NBEAL1: variants seen among roughly 807,000 people sequenced by gnomAD.
NBEAL1 encodes neurobeachin-like protein 1.
In NBEAL1, 273 loss-of-function variants were observed where a neutral mutation model predicts 351.3. The ratio of observed to expected loss-of-function variants is 0.78; its 90% confidence interval spans 0.70 to 0.86. The LOEUF is 0.86. NBEAL1 is among the 40% of genes least tolerant of loss of function. The pLI, the probability that NBEAL1 is intolerant of heterozygous loss-of-function variation, is 0.00. For missense variants in NBEAL1, 2,961 were observed against 3,201.3 expected, an observed-to-expected ratio of 0.92 and a Z score of 1.81; for synonymous variants, 1,050 against 1,086.4, an observed-to-expected ratio of 0.97 and a Z score of 0.66.
intron 51 of NBEAL1, among the ~76,000 whole-genome samples, chr2:203,207,026 C>G (rs973448540): frequency 6.6e-6 from 1 of 151,792 alleles, no homozygotes; most frequent in African/African-American, 2.4e-5. Flanking sequence ...GCGTCTCTGT[C>G]CGGCCGCCCA....
intron 16 of NBEAL1, among the ~76,000 whole-genome samples, chr2:203,112,593 T>C (rs900968607): frequency 1.3e-5 from 2 of 152,332 alleles, no homozygotes; most frequent in South Asian, 2.1e-4. Flanking sequence ...AGATTATTTC[T>C]CAAGTCCAAG....
chr2:203,054,392 C>G (rs1266938663), intron 4 of NBEAL1, among the ~76,000 whole-genome samples: 1 of 151,382 alleles, frequency 6.6e-6, no homozygotes, highest in Admixed American at 6.6e-5. Flanking sequence ...CGCCACTGCA[C>G]TCCAGCCTGG....
intron 6 of NBEAL1, among the ~76,000 whole-genome samples, chr2:203,063,420 C>T (rs924810780): frequency 1.4e-4 from 19 of 131,204 alleles, no homozygotes; most frequent in African/African-American, 5.1e-4. Context: ...GCATTCCAGC[C>T]TGGGTGATGG....
chr2:203,212,779 G>A lies in NBEAL1; in HGVS notation c.7935-739G>A, dbSNP rs185229296. On this transcript the variant is annotated intron_variant, in intron 54 of 55. Transcript: ENST00000683969. ...AGGAGTCTTGATGAAGGATTAGTAG[G>A]AATTAAATGGACATGACAAGACAGG... Among the ~76,000 whole-genome samples the A allele has an allele frequency of 3.1e-4, 47 of 152,220 alleles. No individual in the cohort carries two copies. In the East Asian group the frequency reaches 6.2e-3, roughly 20 times the overall value.
At chr2:203,069,609 T>C (rs1220225676) in intron 7 of NBEAL1, among the ~76,000 whole-genome samples, 1 of 152,244 alleles carries the variant, frequency 6.6e-6, no homozygotes. Flanking sequence ...CATATTTTGT[T>C]AATTTATCCC....
At position 203,038,113 on chromosome 2, in the gene NBEAL1, G is replaced by A. The variant is rs1035807233; in HGVS notation, c.52-3652G>A. Among the ~76,000 whole-genome samples the A allele has an allele frequency of 1.4e-4, 21 of 149,018 alleles. 1 individual carries two copies. Among genetic ancestry groups the A allele is most frequent in the Middle Eastern group, 6.4e-3 (2 of 314 alleles). The stretch of plus-strand genomic sequence containing the variant: ...TTCCTGGAATAGTATTCCATTGTAC[G>A]AATGTACAACGATTTGTTTATCCGT... On this transcript the variant is annotated intron_variant, in intron 2 of 55. Coordinates refer to ENST00000683969, the MANE Select transcript of NBEAL1 (RefSeq NM_001378026.1).
chr2:203,098,789 C>T (rs2062240969), intron 11 of NBEAL1, among the ~76,000 whole-genome samples: 1 of 151,912 alleles, frequency 6.6e-6, no homozygotes, highest in Non-Finnish European at 1.5e-5. Context: ...CTCAAATTTT[C>T]CATTTAATAT....
chr2:203,196,835 C>T (rs1324069095), intron 47 of NBEAL1, among the ~76,000 whole-genome samples: 1 of 152,074 alleles, frequency 6.6e-6, no homozygotes, highest in Non-Finnish European at 1.5e-5. Context: ...ATTTTCTGGT[C>T]CTACTGTGGC....
intron 36 of NBEAL1, among the ~76,000 whole-genome samples, chr2:203,161,869 T>C (rs1013233915): frequency 1.3e-5 from 2 of 151,888 alleles, no homozygotes; most frequent in African/African-American, 4.8e-5. Context: ...CCCGCCCATC[T>C]CTAAAATAAA....
intron 12 of NBEAL1, among the ~76,000 whole-genome samples, chr2:203,102,472 G>A (rs2062346930): frequency 6.6e-6 from 1 of 152,280 alleles, no homozygotes; most frequent in Middle Eastern, 3.4e-3. Context: ...TTATTTTGAA[G>A]TATGTTCCTT....
rs955836677 is a variant in NBEAL1, at chr2:203,199,461, T to C, written c.7238+14T>C. ...GACAAATCCAAAGTAAGTAAATGAA[T>C]ATGTAAAGCAAAATAGCTATACCAG... On this transcript the variant is annotated intron_variant, in intron 49 of 55. Transcript: ENST00000683969. 8.7e-6 allele frequency: 12 copies of C among 1,382,546 alleles called. No homozygotes were observed. Among genetic ancestry groups the C allele is most frequent in the South Asian group, 2.4e-5 (2 of 84,204 alleles). 85.6% of individuals were successfully genotyped at this position (1,382,546 alleles called of 1,614,324 possible).
At chr2:203,160,021 G>A (rs564903005) in intron 36 of NBEAL1, among the ~76,000 whole-genome samples, 1 of 148,256 alleles carries the variant, frequency 6.7e-6, no homozygotes, top group African/African-American at 2.5e-5. Flanking sequence ...GTGCTTGTTT[G>A]CCATTAATAT....
chr2:203,182,985 A>C (rs999980650), intron 43 of NBEAL1: 3 of 184,078 alleles, frequency 1.6e-5, no homozygotes, highest in Non-Finnish European at 3.4e-5. Context: ...CATTATTTTA[A>C]GTGTAAGAAG....
chr2:203,132,280 G>GT (rs2063091630), intron 26 of NBEAL1, 148 bp downstream of exon 26: 1 of 579,186 alleles, frequency 1.7e-6, no homozygotes, highest in South Asian at 2.6e-5. Context: ...TAGTTTTGTT[G>GT]TTTTTGTCTC....
At position 203,208,764 on chromosome 2, in the gene NBEAL1, A is replaced by G. The variant is rs1279064170; in HGVS notation, c.7623+11A>G. The G allele has an allele frequency of 6.5e-7, 1 of 1,543,340 alleles. No homozygotes were observed. Among genetic ancestry groups the G allele is most frequent in the African/African-American group, 1.4e-5 (1 of 71,736 alleles). ...GTGTCAGGATCAAGGGTAAGATTTC[A>G]CCTTTAAGAAATACTATTTATTTTG... On this transcript the variant is annotated intron_variant, in intron 52 of 55. Coordinates refer to ENST00000683969, the MANE Select transcript of NBEAL1 (RefSeq NM_001378026.1).
chr2:203,026,349 CA>C, intron 2 of NBEAL1, among the ~76,000 whole-genome samples: 1 of 152,068 alleles, frequency 6.6e-6, no homozygotes, highest in East Asian at 1.9e-4. Context: ...ATATATTATA[CA>C]ATTACTAAGA....
At position 203,221,582 on chromosome 2, in the gene NBEAL1, C is replaced by T. The variant is rs1370589844; in HGVS notation, c.*4228C>T. Among the ~76,000 whole-genome samples the T allele has an allele frequency of 6.6e-6, 1 of 152,140 alleles. No homozygotes were observed. The highest frequency in any genetic ancestry group is 1.9e-4 in the East Asian group (1 of 5,194). ...GTTTGTTTGCATCATCAGCCATACT[C>T]ATGGCTTATCCTACGCATTGTTCCT... On this transcript the variant is annotated 3_prime_UTR_variant, in exon 56 of 56. Transcript: ENST00000683969.
intron 52 of NBEAL1, 127 bp downstream of exon 52, chr2:203,208,880 C>CCTG: frequency 1.4e-6 from 1 of 697,232 alleles, no homozygotes; most frequent in Non-Finnish European, 2.3e-6. Flanking sequence ...TTGTATAGGA[C>CCTG]TTTGCAAAAG....
At chr2:203,132,628 C>T (rs1026150495) in intron 26 of NBEAL1, among the ~76,000 whole-genome samples, 1 of 152,118 alleles carries the variant, frequency 6.6e-6, no homozygotes, top group African/African-American at 2.4e-5. Context: ...CCTCAGCCTT[C>T]CAAGTAGCTG....
Sources: allele counts gnomAD v4.1 joint callset (sites outside exome capture counted in the v4.1 genomes callset), GRCh38; gene constraint gnomAD v4.1.1; transcripts MANE v1.5; gene names NCBI Gene and HGNC (gene_info 2026-07-23, HGNC 2026-07-21).